Variants in TOB2 observed in about 807,000 individuals in gnomAD.
TOB2 encodes protein Tob2.
In TOB2, 3 loss-of-function variants were observed where a neutral mutation model predicts 17.3. The ratio of observed to expected loss-of-function variants is 0.17; its 90% CI spans 0.08 to 0.45. TOB2 has a LOEUF of 0.45. TOB2 is among the 20% of genes least tolerant of loss of function. TOB2 has a pLI of 0.99. For missense variants in TOB2, 407 were observed against 445.7 expected (o/e 0.91, Z 0.78); for synonymous variants, 163 against 185.6 (o/e 0.88, Z 0.99).
chr22:41,440,212 G>A (rs1198847442), intron 1 of TOB2, among the ~76,000 whole-genome samples: 2 of 149,686 alleles, frequency 1.3e-5, no homozygotes, highest in East Asian at 2.0e-4. Flanking sequence ...CTGCCTCCCC[G>A]GTTCAAGCGA....
intron 1 of TOB2, 46 bp from the exon 2 acceptor site, chr22:41,437,453 G>A: frequency 2.0e-6 from 3 of 1,507,552 alleles, no homozygotes; most frequent in East Asian, 4.5e-5. Context: ...AAAGCTGGTG[G>A]TGACCAACAG....
chr22:41,435,256 G>C lies in TOB2; in HGVS notation c.*1055C>G, dbSNP rs2037532763. ...AAACAAAACTGCAGATCCTTCCACA[G>C]TCTGCAAACCAGTTCCTTCTGCAGT... On this transcript the variant is annotated 3_prime_UTR_variant, in exon 2 of 2. Transcript: ENST00000327492. The C allele has an allele frequency of 6.6e-6, 1 of 152,184 alleles. No individual in the cohort carries two copies. The highest frequency in any genetic ancestry group is 2.1e-4 in the South Asian group (1 of 4,828). The allele number at this position is 152,184 out of a possible 1,614,324, so 9.4% of individuals were successfully genotyped here. A position where few individuals can be genotyped will look rare whatever the true frequency, so the allele number is the denominator to read the frequency against.
At position 41,436,622 on chromosome 22, in the gene TOB2, A is replaced by C; in HGVS notation, c.724T>G (p.Phe242Val). ...TGAGGGGCCGGGTTGGCCGTGATGA[A>C]GTTCAGTGAATGCATAGACAGAGAG... ...SLSLSMHSLN[F>V]ITANPAPQSQ... The change falls in exon 2 of 2, where the codon TTC (phenylalanine) becomes GTC (valine). Residue 242 changes from phenylalanine to valine, a missense_variant. Transcript: ENST00000327492. The surrounding 1 kb of genome is among the most constrained non-coding windows in gnomAD (Gnocchi z 4.8). 2.5e-6 allele frequency: 4 copies of C among 1,613,862 alleles called. No individual in the cohort carries two copies. Among genetic ancestry groups the C allele is most frequent in the Non-Finnish European group, 3.4e-6 (4 of 1,179,928 alleles).
rs2037541358 is a variant in TOB2, at chr22:41,436,016, A to AAT, written c.*294_*295insAT. 4 of 261,360 alleles carry AAT rather than the reference A, an allele frequency of 1.5e-5. No homozygotes were observed. The highest frequency in any genetic ancestry group is 1.2e-3 in the Middle Eastern group (1 of 816). The allele number at this position is 261,360 out of a possible 1,614,324, so 16.2% of individuals were successfully genotyped here. ...TTCTTAGCACAGGAAGCCACTCATT[A>AAT]AAGATGTTATATAGAAAACTACATG... On this transcript the variant is annotated 3_prime_UTR_variant, in exon 2 of 2. Coordinates refer to ENST00000327492, the MANE Select transcript of TOB2 (RefSeq NM_016272.4). The surrounding 1 kb of genome is among the most constrained non-coding windows in gnomAD (Gnocchi z 4.8).
chr22:41,436,520 C>A lies in TOB2; in HGVS notation c.826G>T (p.Asp276Tyr). 6.2e-7 allele frequency: 1 copy of A among 1,612,026 alleles called. No homozygotes were observed. The highest frequency in any genetic ancestry group is 1.7e-4 in the Middle Eastern group (1 of 6,060). ...CCTGGGGTGCCGCTGCCCTGGCCAT[C>A]GGCCGCATCAAAGAAGAGGCTGGGT... ...GSPSLFFDAA[D>Y]GQGSGTPGPF... Residue 276 changes from aspartate (D) to tyrosine (Y), a missense_variant, in exon 2 of 2, where the codon GAT becomes TAT. Asp to Tyr is a radical substitution (Grantham distance 160). Transcript: ENST00000327492. This position sits in a 1 kb window ranked among gnomAD's most constrained non-coding sequence, Gnocchi z 4.8.
chr22:41,442,120 G>C, intron 1 of TOB2, among the ~76,000 whole-genome samples: 2 of 147,972 alleles, frequency 1.4e-5, no homozygotes, highest in Admixed American at 1.3e-4. Context: ...AGAAAAAAAA[G>C]TTGTGAGGAA....
In TOB2 at chr22:41,435,747, G is replaced by A. The variant is rs1265509704; in HGVS notation, c.*564C>T. The A allele has an allele frequency of 6.5e-6, 1 of 152,776 alleles. No homozygotes were observed. The highest frequency in any genetic ancestry group is 1.5e-5 in the Non-Finnish European group (1 of 68,146). 9.5% of individuals were successfully genotyped at this position (152,776 alleles called of 1,614,324 possible). On this transcript the variant is annotated 3_prime_UTR_variant, in exon 2 of 2. Transcript: ENST00000327492. ...CCTGTGGCCCAGCCTGAAAGGGAGT[G>A]GGGACTGGGGTCAGACCTATTCAGG... is the stretch of plus-strand genomic sequence containing the variant.
Position 41,436,191 on chromosome 22 carries a change from G to C in TOB2, c.*120C>G, listed in dbSNP as rs544923985. 103 of 1,320,180 alleles carry C rather than the reference G, an allele frequency of 7.8e-5. No individual in the cohort carries two copies. The highest frequency in any genetic ancestry group is 9.9e-5 in the Non-Finnish European group (99 of 1,004,966). 81.8% of individuals were successfully genotyped at this position (1,320,180 alleles called of 1,614,324 possible). ...GTGCCTGGGCTGGATCTTTTTTCTA[G>C]AAGTAAGAGTGAGAAGATCGAAAAT... On this transcript the variant is annotated 3_prime_UTR_variant, in exon 2 of 2. Coordinates refer to ENST00000327492, the MANE Select transcript of TOB2 (RefSeq NM_016272.4). The surrounding 1 kb of genome is among the most constrained non-coding windows in gnomAD (Gnocchi z 4.8).
rs775587680 is a variant in TOB2 at position 41,436,403 on chromosome 22, C to T, written c.943G>A (p.Glu315Lys). The T allele has an allele frequency of 2.4e-5, 38 of 1,613,998 alleles. No individual in the cohort carries two copies. The highest frequency in any genetic ancestry group is 3.1e-5 in the Non-Finnish European group (36 of 1,179,976). The change falls in exon 2 of 2, where the codon GAG becomes AAG. Residue 315 changes from glutamate to lysine, a missense_variant. Coordinates refer to ENST00000327492, the MANE Select transcript of TOB2 (RefSeq NM_016272.4). This position sits in a 1 kb window ranked among gnomAD's most constrained non-coding sequence, Gnocchi z 4.8. Reference sequence around the variant, plus strand: ...AGGCCTTCCACAAAGGGTGTCTTCTCCAGGAAGAGGCTGTTGGCACCACCT... The same window carrying T: ...AGGCCTTCCACAAAGGGTGTCTTCTTCAGGAAGAGGCTGTTGGCACCACCT... ...FGGGANSLFL[E>K]KTPFVEGLSY...
At chr22:41,445,798 A>T (rs532789479) in intron 1 of TOB2, among the ~76,000 whole-genome samples, 12 of 152,346 alleles carry the variant, frequency 7.9e-5, no homozygotes, top group African/African-American at 2.4e-4. Flanking sequence ...TTAAGAGTAT[A>T]AAGAGCTCAG....
Position 41,435,694 on chromosome 22 carries a change from A to T in TOB2, c.*617T>A, listed in dbSNP as rs1268079101. 2 of 152,758 alleles carry T rather than the reference A, an allele frequency of 1.3e-5. No individual in the cohort carries two copies. The highest frequency in any genetic ancestry group is 2.9e-5 in the Non-Finnish European group (2 of 68,182). The allele number at this position is 152,758 out of a possible 1,614,324, so 9.5% of individuals were successfully genotyped here. A position where few individuals can be genotyped will look rare whatever the true frequency, so the allele number is the denominator to read the frequency against. On this transcript the variant is annotated 3_prime_UTR_variant, in exon 2 of 2. Coordinates refer to ENST00000327492, the MANE Select transcript of TOB2 (RefSeq NM_016272.4). ...AGTCACAGACATCAGCTCCAGGGGG[A>T]GGGTGTCAAGTGGCCAGCCAGCAAC...
chr22:41,443,941 A>G (rs1232717147), intron 1 of TOB2, among the ~76,000 whole-genome samples: 3 of 152,200 alleles, frequency 2.0e-5, no homozygotes, highest in Non-Finnish European at 4.4e-5. Flanking sequence ...GTTTTTCAGA[A>G]AGAAAATTCT....
At chr22:41,442,469 A>G (rs1336897732) in intron 1 of TOB2, among the ~76,000 whole-genome samples, 1 of 152,238 alleles carries the variant, frequency 6.6e-6, no homozygotes, top group East Asian at 1.9e-4. Context: ...CTGCCTAGCT[A>G]ACCATTTTCT....
rs2037564500 is a variant in TOB2 at position 41,437,250 on chromosome 22, T to C, written c.96A>G (p.Leu32=). 1.9e-6 allele frequency: 3 copies of C among 1,614,126 alleles called. No individual in the cohort carries two copies. In the South Asian group the frequency reaches 3.3e-5, roughly 18 times the overall value. ...RRRADLFGEE[L]ERLLKKKYEG... Reference sequence around the variant, plus strand: ...CATATTTCTTTTTCAAAAGCCGCTCTAGCTCCTCCCCAAACAGGTCTGCCC... The same window carrying C: ...CATATTTCTTTTTCAAAAGCCGCTCCAGCTCCTCCCCAAACAGGTCTGCCC... The change falls in exon 2 of 2, where the codon CTA becomes CTG. Residue 32 remains leucine, a synonymous_variant. Transcript: ENST00000327492.
At chr22:41,437,887 T>C (rs1454073042) in intron 1 of TOB2, among the ~76,000 whole-genome samples, 2 of 131,810 alleles carry the variant, frequency 1.5e-5, no homozygotes, top group African/African-American at 2.9e-5. Context: ...GAGGCAGAGG[T>C]TGCAGTGAGC....
At chr22:41,443,284 C>CA (rs2037639313) in intron 1 of TOB2, among the ~76,000 whole-genome samples, 1 of 152,108 alleles carries the variant, frequency 6.6e-6, no homozygotes, top group African/African-American at 2.4e-5. Context: ...CACGCGCGCG[C>CA]ATGTGTCTGC....
At chr22:41,444,437 G>A (rs1412399073) in intron 1 of TOB2, among the ~76,000 whole-genome samples, 3 of 152,254 alleles carry the variant, frequency 2.0e-5, no homozygotes, top group Non-Finnish European at 4.4e-5. Context: ...CGTAGGCGGA[G>A]AGGCGGGCGG....
rs1341791483 is a variant in TOB2 at position 41,435,328 on chromosome 22, C to T, written c.*983G>A. The stretch of plus-strand genomic sequence containing the variant: ...GGGCTAAGCCACAGCGGTGTCACCC[C>T]ACCACACACACTGCCCTGCAAAAGG... On this transcript the variant is annotated 3_prime_UTR_variant, in exon 2 of 2. Coordinates refer to ENST00000327492, the MANE Select transcript of TOB2 (RefSeq NM_016272.4). 1 of 152,252 alleles carries T rather than the reference C, an allele frequency of 6.6e-6. No individual in the cohort carries two copies. The highest frequency in any genetic ancestry group is 2.4e-5 in the African/African-American group (1 of 41,444). 9.4% of individuals were successfully genotyped at this position (152,252 alleles called of 1,614,324 possible).
intron 1 of TOB2, among the ~76,000 whole-genome samples, chr22:41,440,661 C>T (rs956625443): frequency 6.7e-6 from 1 of 148,794 alleles, no homozygotes; most frequent in Admixed American, 6.7e-5. Flanking sequence ...CTGCCTCCTA[C>T]GTTCAAACAA....
Sources: gnomAD v4.1 joint callset for allele counts (sites outside exome capture counted in the v4.1 genomes callset) on GRCh38, gnomAD v4.1.1 for gene constraint, Gnocchi (gnomAD v3.1) non-coding constraint, MANE v1.5 for transcripts, NCBI Gene and HGNC (gene_info 2026-07-23, HGNC 2026-07-21) for gene names.